The following CRLS1 variants were observed in gnomAD, a reference collection of about 807,000 sequenced individuals.
CRLS1 encodes the protein cardiolipin synthase (CMP-forming).
CRLS1 carries 24 observed loss-of-function variants against 37.0 expected under a neutral mutation model. That is an observed-to-expected ratio of 0.65 (90% confidence interval 0.47 to 0.91). The LOEUF (loss-of-function observed/expected upper bound fraction) is 0.91, where lower values mean the gene tolerates loss of function less well. CRLS1 is among the 40% of genes least tolerant of loss of function. The pLI is 0.00. For missense variants in CRLS1, 373 were observed against 395.8 expected (o/e 0.94, Z 0.49); for synonymous variants, 135 against 159.7 (o/e 0.85, Z 1.17).
In CRLS1 at chr20:6,039,093, A is replaced by G. The variant is rs1980777761; in HGVS notation, c.*1935A>G. 1 of 152,238 alleles carries G rather than the reference A, an allele frequency of 6.6e-6. No homozygotes were observed. The highest frequency in any genetic ancestry group is 6.5e-5 in the Admixed American group (1 of 15,290). The allele number at this position is 152,238 out of a possible 1,614,324, so 9.4% of individuals were successfully genotyped here. A position where few individuals can be genotyped will look rare whatever the true frequency, so the allele number is the denominator to read the frequency against. On this transcript the variant is annotated 3_prime_UTR_variant, in exon 7 of 7. Coordinates refer to ENST00000378863, the MANE Select transcript of CRLS1 (RefSeq NM_019095.6). ...TTAACCTTGACAGTAAGCTTAAAGCATTAGTGTCATTTAATTACATGTCTG... is the reference window on the plus strand; with the variant it reads ...TTAACCTTGACAGTAAGCTTAAAGCGTTAGTGTCATTTAATTACATGTCTG...
intron 5 of CRLS1, among the ~76,000 whole-genome samples, chr20:6,034,141 T>C (rs1056390840): frequency 6.6e-6 from 1 of 152,260 alleles, no homozygotes; most frequent in African/African-American, 2.4e-5. Flanking sequence ...TCCATTTTAA[T>C]GGGCAGTTGG....
At chr20:6,035,393 A>G (rs905256423) in intron 6 of CRLS1, among the ~76,000 whole-genome samples, 1 of 152,060 alleles carries the variant, frequency 6.6e-6, no homozygotes, top group Non-Finnish European at 1.5e-5. Context: ...TTCATTTTTT[A>G]CTTCTTTAAG....
chr20:6,012,029 C>CT (rs1978356286), intron 2 of CRLS1, among the ~76,000 whole-genome samples: 1 of 113,018 alleles, frequency 8.8e-6, no homozygotes. Context: ...TTGTCTGCTA[C>CT]GTTTTTTTTT....
intron 3 of CRLS1, among the ~76,000 whole-genome samples, chr20:6,029,358 CTT>C (rs11087707): frequency 0.028 from 3,541 of 127,446 alleles, 144 homozygotes; most frequent in African/African-American, 0.092. Context: ...ATTTGCTGCT[CTT>C]TTTTTTTTTT....
At chr20:6,027,922 A>G (rs1979853117) in intron 3 of CRLS1, among the ~76,000 whole-genome samples, 3 of 152,140 alleles carry the variant, frequency 2.0e-5, no homozygotes, top group Admixed American at 1.3e-4. Context: ...TTCCTTTCTA[A>G]AGGACTTAGG....
At position 6,015,460 on chromosome 20, in the gene CRLS1, G is replaced by A. The variant is rs1365954668; in HGVS notation, c.544G>A (p.Val182Ile). 1 of 1,613,304 alleles carries A rather than the reference G, an allele frequency of 6.2e-7. No homozygotes were observed. Among genetic ancestry groups the A allele is most frequent in the Non-Finnish European group, 8.5e-7 (1 of 1,179,402 alleles). ...ADKILISILY[V>I]SLTYADLIPV... ...TAAAATACTTATCAGTATCTTATAT[G>A]TTAGCTTGACCTATGCAGATCTTAT... Residue 182 changes from valine to isoleucine, a missense_variant, in exon 3 of 7, where the codon GTT (valine) becomes ATT (isoleucine). Physicochemically the swap from Val to Ile is conservative, Grantham distance 29. Transcript: ENST00000378863.
chr20:6,013,221 C>CTTT (rs1978473856), intron 2 of CRLS1, among the ~76,000 whole-genome samples: 4 of 96,462 alleles, frequency 4.1e-5, no homozygotes, highest in African/African-American at 1.4e-4. Flanking sequence ...TTTTGTTTGG[C>CTTT]CTTTTTTTTT....
Position 6,006,277 on chromosome 20 carries a change from T to TG in CRLS1, c.37dup (p.Ala13GlyfsTer15), listed in dbSNP as rs35036314. On this transcript the variant is annotated frameshift_variant, in exon 1 of 7. Coordinates refer to ENST00000378863, the MANE Select transcript of CRLS1 (RefSeq NM_019095.6). ...AGCCTTGCGCGTGGCGCGCGGCTCGTGGGGGGCCCTGCGCGGCGCCGCTTG... is the reference window on the plus strand; with the variant it reads ...AGCCTTGCGCGTGGCGCGCGGCTCGTGGGGGGGCCCTGCGCGGCGCCGCTTG... 6 of 1,264,848 alleles carry TG rather than the reference T, an allele frequency of 4.7e-6. No homozygotes were observed. The highest frequency in any genetic ancestry group is 5.0e-6 in the Non-Finnish European group (5 of 1,009,622). The allele number at this position is 1,264,848 out of a possible 1,614,324, so 78.4% of individuals were successfully genotyped here.
intron 3 of CRLS1, among the ~76,000 whole-genome samples, chr20:6,020,784 G>A (rs1359671927): frequency 2.8e-5 from 4 of 142,290 alleles, no homozygotes; most frequent in Non-Finnish European, 6.1e-5. Context: ...CACCACGCCC[G>A]GCTAATTTTT....
At position 6,006,462 on chromosome 20, in the gene CRLS1, G is replaced by C; in HGVS notation, c.216G>C (p.Ala72=). The part of the protein sequence containing the change: ...GIGQRNHCSG[A]GKAAPRPAAG... ...GCCAGCGGAACCACTGTTCGGGCGC[G>C]GGGAAGGCGGCTCCCAGGCCAGCGG... Residue 72 remains alanine (A), a synonymous_variant, in exon 1 of 7, where the codon GCG becomes GCC. Coordinates refer to ENST00000378863, the MANE Select transcript of CRLS1 (RefSeq NM_019095.6). The C allele has an allele frequency of 1.4e-6, 2 of 1,402,606 alleles. No homozygotes were observed. Among genetic ancestry groups the C allele is most frequent in the Non-Finnish European group, 1.9e-6 (2 of 1,080,482 alleles). The allele number at this position is 1,402,606 out of a possible 1,614,324, so 86.9% of individuals were successfully genotyped here. A position where few individuals can be genotyped will look rare whatever the true frequency, so the allele number is the denominator to read the frequency against.
chr20:6,019,691 CTTTTT>C (rs146083457), intron 3 of CRLS1, among the ~76,000 whole-genome samples: 12 of 120,232 alleles, frequency 1.0e-4, no homozygotes, highest in Non-Finnish European at 1.4e-4. Context: ...TTTCGAAATT[CTTTTT>C]TTTTTTTTTT....
At chr20:6,017,843 A>G (rs1386114336) in intron 3 of CRLS1, among the ~76,000 whole-genome samples, 1 of 152,224 alleles carries the variant, frequency 6.6e-6, no homozygotes, top group East Asian at 1.9e-4. Context: ...AGTTCTCTCC[A>G]GAAAGATAAT....
chr20:6,023,274 TA>T (rs749900692), intron 3 of CRLS1: 11 of 152,364 alleles, frequency 7.2e-5, no homozygotes, highest in Admixed American at 2.0e-4. Context: ...AATTCTTCGT[TA>T]TTTTTTTTCT....
intron 2 of CRLS1, among the ~76,000 whole-genome samples, 165 bp downstream of exon 2, chr20:6,010,077 A>ATTTGTTTTT (rs1555792909): frequency 1.2e-5 from 1 of 81,646 alleles, no homozygotes. Flanking sequence ...TCTATATGGG[A>ATTTGTTTTT]TTTTTTTTTT....
At chr20:6,030,490 A>C (rs994380844) in intron 3 of CRLS1, among the ~76,000 whole-genome samples, 1 of 152,314 alleles carries the variant, frequency 6.6e-6, no homozygotes, top group East Asian at 1.9e-4. Flanking sequence ...TGGGAGGCTG[A>C]GGCAGGTAGA....
chr20:6,025,972 A>T (rs1979652532), intron 3 of CRLS1, among the ~76,000 whole-genome samples: 1 of 152,226 alleles, frequency 6.6e-6, no homozygotes, highest in South Asian at 2.1e-4. Context: ...ACACTATTAA[A>T]ATGACAACAG....
chr20:6,021,282 G>T (rs972416431), intron 3 of CRLS1, among the ~76,000 whole-genome samples: 2 of 151,848 alleles, frequency 1.3e-5, no homozygotes, highest in Non-Finnish European at 2.9e-5. Context: ...GGCCAGGCTG[G>T]TCTTGAACCC....
chr20:6,017,401 A>C (rs949148765), intron 3 of CRLS1, among the ~76,000 whole-genome samples: 2 of 152,216 alleles, frequency 1.3e-5, no homozygotes, highest in African/African-American at 4.8e-5. Flanking sequence ...TTCTTTAAAA[A>C]GTTATCTCTC....
At chr20:6,018,158 A>G (rs950679477) in intron 3 of CRLS1, among the ~76,000 whole-genome samples, 2 of 140,058 alleles carry the variant, frequency 1.4e-5, no homozygotes, top group African/African-American at 2.7e-5. Context: ...AGAGGTTGCA[A>G]TGAGCCGAGA....
Sources: gnomAD v4.1 joint callset for allele counts (sites outside exome capture counted in the v4.1 genomes callset) on GRCh38, gnomAD v4.1.1 for gene constraint, MANE v1.5 for transcripts, NCBI Gene and HGNC (gene_info 2026-07-23, HGNC 2026-07-21) for gene names.